Variants in FUT8 observed in about 807,000 individuals in gnomAD.
FUT8 encodes alpha-(1,6)-fucosyltransferase.
A neutral mutation model predicts 71.3 loss-of-function variants in FUT8; 29 were observed. That is an observed-to-expected ratio of 0.41 (90% CI 0.30 to 0.55). The LOEUF (loss-of-function observed/expected upper bound fraction) is 0.55, where lower values mean the gene tolerates loss of function less well. FUT8 is among the 20% of genes least tolerant of loss of function. The pLI is 0.34. For missense variants in FUT8, 544 were observed against 702.1 expected (o/e 0.77, Z 2.55); for synonymous variants, 254 against 239.3 (o/e 1.06, Z -0.57).
At chr14:65,521,113 T>C (rs1883048382) in intron 2 of FUT8, among the ~76,000 whole-genome samples, 1 of 152,126 alleles carries the variant, frequency 6.6e-6, no homozygotes, top group African/African-American at 2.4e-5. Context: ...GTTTATAAAA[T>C]GGAGAATAAA....
chr14:65,673,070 T>C (rs1892547037), intron 7 of FUT8, among the ~76,000 whole-genome samples: 1 of 152,280 alleles, frequency 6.6e-6, no homozygotes, highest in East Asian at 1.9e-4. Context: ...GAAAATTTTA[T>C]TTGTAAATGA....
intron 7 of FUT8, among the ~76,000 whole-genome samples, chr14:65,717,791 G>A (rs899946790): frequency 8.0e-5 from 12 of 150,672 alleles, no homozygotes; most frequent in Non-Finnish European, 1.5e-4. Flanking sequence ...CAGACGGGGC[G>A]GCCAGGCAGA....
the FUT8 span, among the ~76,000 whole-genome samples, chr14:65,361,705 T>A: frequency 1.1e-4 from 17 of 152,026 alleles, no homozygotes; most frequent in Non-Finnish European, 1.5e-5. Context: ...GGAGAATTGC[T>A]TGAACCCGGA....
chr14:65,478,990 A>G (rs1428206694), intron 2 of FUT8, among the ~76,000 whole-genome samples: 1 of 152,210 alleles, frequency 6.6e-6, no homozygotes, highest in Non-Finnish European at 1.5e-5. Context: ...GGTTATCAGT[A>G]TTTTAGGAAT....
chr14:65,567,629 T>C (rs150389392), intron 3 of FUT8, among the ~76,000 whole-genome samples: 2 of 152,096 alleles, frequency 1.3e-5, no homozygotes, highest in East Asian at 3.9e-4. Flanking sequence ...TTTCATGATA[T>C]CTGCCTTTTG....
At chr14:65,522,941 A>G (rs1395329197) in intron 2 of FUT8, among the ~76,000 whole-genome samples, 5 of 152,060 alleles carry the variant, frequency 3.3e-5, no homozygotes, top group Middle Eastern at 3.2e-3. Flanking sequence ...CATGGTGTAT[A>G]TGTGCCACAT....
intron 2 of FUT8, among the ~76,000 whole-genome samples, chr14:65,477,658 A>G (rs1244928356): frequency 6.6e-6 from 1 of 152,190 alleles, no homozygotes; most frequent in Non-Finnish European, 1.5e-5. Context: ...ACAGTAGTAC[A>G]GAGGAAATAA....
chr14:65,586,722 G>A (rs1245595250), intron 3 of FUT8, among the ~76,000 whole-genome samples: 1 of 152,106 alleles, frequency 6.6e-6, no homozygotes, highest in African/African-American at 2.4e-5. Flanking sequence ...ATTTGAAATT[G>A]AGGAACTCAT....
intron 3 of FUT8, among the ~76,000 whole-genome samples, chr14:65,583,769 A>G (rs1887218164): frequency 1.3e-5 from 2 of 152,186 alleles, no homozygotes; most frequent in South Asian, 4.1e-4. Context: ...GCTCTTCCCA[A>G]CCCTATATTT....
rs544324083 is a variant in FUT8 at position 65,678,971 on chromosome 14, C to G, written c.835+9491C>G. On this transcript the variant is annotated intron_variant, in intron 7 of 10. Coordinates refer to ENST00000673929, the MANE Select transcript of FUT8 (RefSeq NM_001371533.1). Reference sequence around the variant, plus strand: ...AAGCACTGCAGCATGATCCTTTCCTCTCTAGGTTTTGGGTCTTGTATATTA... The same window carrying G: ...AAGCACTGCAGCATGATCCTTTCCTGTCTAGGTTTTGGGTCTTGTATATTA... 2.6e-5 allele frequency among the ~76,000 whole-genome samples: 4 copies of G among 152,242 alleles called. No individual in the cohort carries two copies. The South Asian group carries it at 8.3e-4, about 32-fold the overall frequency.
intron 3 of FUT8, among the ~76,000 whole-genome samples, chr14:65,587,050 A>G (rs1257268815): frequency 6.6e-6 from 1 of 152,108 alleles, no homozygotes; most frequent in Non-Finnish European, 1.5e-5. Flanking sequence ...TCAGCCGGGC[A>G]TGGTGGCAGA....
chr14:65,685,949 T>G (rs1893268651), intron 7 of FUT8, among the ~76,000 whole-genome samples: 1 of 152,236 alleles, frequency 6.6e-6, no homozygotes, highest in South Asian at 2.1e-4. Flanking sequence ...CTGTATCTTG[T>G]GCTGACCTTC....
At chr14:65,630,250 T>C (rs1411043586) in intron 6 of FUT8, among the ~76,000 whole-genome samples, 1 of 152,216 alleles carries the variant, frequency 6.6e-6, no homozygotes, top group Non-Finnish European at 1.5e-5. Context: ...ATTTTACTTA[T>C]TTGTTTTATA....
intron 3 of FUT8, among the ~76,000 whole-genome samples, chr14:65,609,038 T>TA (rs1396476547): frequency 3.9e-5 from 6 of 152,064 alleles, no homozygotes; most frequent in Admixed American, 2.0e-4. Flanking sequence ...CTCATGTCTG[T>TA]AATCTCAGCA....
At chr14:65,549,391 C>A (rs950278299) in intron 2 of FUT8, among the ~76,000 whole-genome samples, 1 of 151,742 alleles carries the variant, frequency 6.6e-6, no homozygotes, top group South Asian at 2.1e-4. Context: ...TAGAAGCCCC[C>A]TGCATTTCTT....
At chr14:65,536,257 G>A (rs1884304399) in intron 2 of FUT8, among the ~76,000 whole-genome samples, 5 of 152,100 alleles carry the variant, frequency 3.3e-5, no homozygotes. Context: ...TTACATTCAA[G>A]GCTAGTATGG....
At position 65,494,304 on chromosome 14, in the gene FUT8, A is replaced by G. The variant is rs182876946; in HGVS notation, c.-228+38586A>G. The stretch of plus-strand genomic sequence containing the variant: ...TATTCATATTAAGTCTTTGAAATCC[A>G]TGTGTATTTTACACTTATAGCACAT... On this transcript the variant is annotated intron_variant, in intron 2 of 10. Coordinates refer to ENST00000673929, the MANE Select transcript of FUT8 (RefSeq NM_001371533.1). Among the ~76,000 whole-genome samples, 358 of 152,312 alleles carry G rather than the reference A, an allele frequency of 2.4e-3. No homozygotes were observed. The Middle Eastern group carries it at 0.024, about 10-fold the overall frequency.
rs117848711 is a variant in FUT8, at chr14:65,638,298, A to G, written c.597+8692A>G. Among the ~76,000 whole-genome samples, 869 of 152,270 alleles carry G rather than the reference A, an allele frequency of 5.7e-3. 30 individuals carry two copies. In the East Asian group the frequency reaches 0.092, roughly 16 times the overall value. On this transcript the variant is annotated intron_variant, in intron 6 of 10. Coordinates refer to ENST00000673929, the MANE Select transcript of FUT8 (RefSeq NM_001371533.1). This position sits in a 1 kb window ranked among gnomAD's most constrained non-coding sequence, Gnocchi z 4.5. ...TGAGCTCAAGCAGTCCTCCTGCCTC[A>G]GCTTCCCAAAGTGTTGCAATCACAG...
chr14:65,717,748 C>T (rs561014112), intron 7 of FUT8, among the ~76,000 whole-genome samples: 18 of 146,786 alleles, frequency 1.2e-4, no homozygotes, highest in Admixed American at 3.4e-4. Context: ...ACCTCTCAGA[C>T]GGGGCGGCCT....
Sources: allele counts gnomAD v4.1 joint callset (sites outside exome capture counted in the v4.1 genomes callset), GRCh38; gene constraint gnomAD v4.1.1; non-coding constraint Gnocchi (gnomAD v3.1); transcripts MANE v1.5; gene names NCBI Gene and HGNC (gene_info 2026-07-23, HGNC 2026-07-21).